The following CRPPA variants were observed in gnomAD, a reference collection of about 807,000 sequenced individuals.
The protein encoded by CRPPA is D-ribitol-5-phosphate cytidylyltransferase.
Under a neutral mutation model 52.0 loss-of-function variants are expected in CRPPA, and 43 were observed. The observed-to-expected ratio is 0.83, with a 90% confidence interval of 0.65 to 1.07. The LOEUF (loss-of-function observed/expected upper bound fraction) is 1.07, where lower values mean the gene tolerates loss of function less well. Ranked by LOEUF, CRPPA falls within the 50% of genes least tolerant of loss-of-function variation. The probability of loss-of-function intolerance (pLI) is 0.00; values close to 1 mark genes in which losing one functional copy is unlikely to be tolerated. For missense variants in CRPPA, 629 were observed against 551.7 expected, an observed-to-expected ratio of 1.14 and a Z score of -1.40; for synonymous variants, 250 against 203.5, an observed-to-expected ratio of 1.23 and a Z score of -1.94.
intron 3 of CRPPA, among the ~76,000 whole-genome samples, chr7:16,360,471 T>C (rs563836565): frequency 6.6e-6 from 1 of 152,212 alleles, no homozygotes; most frequent in South Asian, 2.1e-4. Context: ...AATGTTACTA[T>C]AAAATCACAC....
chr7:16,209,492 G>C (rs146379972), intron 9 of CRPPA, among the ~76,000 whole-genome samples: 3 of 152,010 alleles, frequency 2.0e-5, no homozygotes, highest in South Asian at 2.1e-4. Context: ...GATTGGTCTC[G>C]AACTCCTGAC....
intron 9 of CRPPA, among the ~76,000 whole-genome samples, chr7:16,115,539 A>C (rs1286049788): frequency 6.6e-6 from 1 of 152,202 alleles, no homozygotes; most frequent in Non-Finnish European, 1.5e-5. Flanking sequence ...AAGGGCTTAC[A>C]AATTGTGACA....
intron 8 of CRPPA, among the ~76,000 whole-genome samples, chr7:16,234,003 C>A (rs960941934): frequency 6.6e-6 from 1 of 152,064 alleles, no homozygotes; most frequent in African/African-American, 2.4e-5. Context: ...TTTAATAGGG[C>A]AGCCAGTTTA....
At chr7:16,299,597 C>G (rs528300239) in intron 5 of CRPPA, among the ~76,000 whole-genome samples, 1 of 152,280 alleles carries the variant, frequency 6.6e-6, no homozygotes, top group Non-Finnish European at 1.5e-5. Context: ...GCATCAGAAT[C>G]TCCTGGGAAG....
chr7:16,383,567 C>CT (rs2128313512), intron 2 of CRPPA, among the ~76,000 whole-genome samples: 1 of 152,302 alleles, frequency 6.6e-6, no homozygotes, highest in East Asian at 1.9e-4. Context: ...TTACTGCTGT[C>CT]TTTTTGTTTG....
intron 1 of CRPPA, among the ~76,000 whole-genome samples, chr7:16,418,751 T>C (rs1344226972): frequency 1.3e-5 from 2 of 152,152 alleles, no homozygotes; most frequent in Non-Finnish European, 2.9e-5. Flanking sequence ...TTCCACCTGA[T>C]CTCTCCTTTA....
chr7:16,287,826 G>A (rs567001443), intron 5 of CRPPA, among the ~76,000 whole-genome samples: 4 of 151,210 alleles, frequency 2.6e-5, no homozygotes, highest in Middle Eastern at 3.4e-3. Flanking sequence ...CAAGACTGAG[G>A]CATGAGAATC....
At chr7:16,178,329 T>C (rs1397797599) in intron 9 of CRPPA, among the ~76,000 whole-genome samples, 1 of 152,118 alleles carries the variant, frequency 6.6e-6, no homozygotes, top group Non-Finnish European at 1.5e-5. Context: ...AGTGAGTTAT[T>C]AGCGATTCCA....
At chr7:16,189,500 AGAG>A (rs1781566206) in intron 9 of CRPPA, among the ~76,000 whole-genome samples, 1 of 152,210 alleles carries the variant, frequency 6.6e-6, no homozygotes, top group Non-Finnish European at 1.5e-5. Flanking sequence ...TAGTTGAGCA[AGAG>A]CTACCACATA....
intron 9 of CRPPA, among the ~76,000 whole-genome samples, chr7:16,178,755 C>A (rs1244910607): frequency 6.6e-6 from 1 of 151,694 alleles, no homozygotes; most frequent in Non-Finnish European, 1.5e-5. Flanking sequence ...ATAAATCTAC[C>A]AAGTCAGACA....
intron 4 of CRPPA, among the ~76,000 whole-genome samples, chr7:16,305,888 CA>C (rs1784899049): frequency 6.6e-6 from 1 of 152,090 alleles, no homozygotes; most frequent in Admixed American, 6.6e-5. Flanking sequence ...CAAAAACAAA[CA>C]AACAAAAAAA....
At position 16,228,024 on chromosome 7, in the gene CRPPA, G is replaced by A. The variant is rs192758986; in HGVS notation, c.1120-11827C>T. 4.9e-3 allele frequency among the ~76,000 whole-genome samples: 747 copies of A among 151,914 alleles called. 9 individuals are homozygous for A. Among genetic ancestry groups the A allele is most frequent in the African/African-American group, 0.017 (725 of 41,508 alleles). ...GTGCATTCTCTATTGTGTGTTCTAG[G>A]AAATTTTGTCTAAATCCGTTGGCTA... On this transcript the variant is annotated intron_variant, in intron 8 of 9. Coordinates refer to ENST00000407010, the MANE Select transcript of CRPPA (RefSeq NM_001101426.4).
chr7:16,367,274 C>A (rs1786623279), intron 3 of CRPPA, among the ~76,000 whole-genome samples: 1 of 152,130 alleles, frequency 6.6e-6, no homozygotes, highest in Non-Finnish European at 1.5e-5. Flanking sequence ...CATGAGGTTT[C>A]CCCTGAGGCT....
At chr7:16,114,267 G>C (rs1025582770) in intron 9 of CRPPA, among the ~76,000 whole-genome samples, 5 of 150,026 alleles carry the variant, frequency 3.3e-5, no homozygotes, top group African/African-American at 9.8e-5. Flanking sequence ...AAATAGTACT[G>C]AACGAGATCA....
intron 8 of CRPPA, among the ~76,000 whole-genome samples, chr7:16,251,459 T>C (rs376331145): frequency 1.2e-4 from 19 of 152,274 alleles, no homozygotes; most frequent in East Asian, 3.9e-4. Context: ...TACTCTAAAA[T>C]TGACCACATA....
At position 16,406,242 on chromosome 7, in the gene CRPPA, G is replaced by A. The variant is rs1286316240; in HGVS notation, c.353C>T (p.Ser118Leu). ...GCGGGTCACTCCAGCTTCGACCAGTGAGATGCGTTTATGCTGATACTTCTG... is the reference window on the plus strand; with the variant it reads ...GCGGGTCACTCCAGCTTCGACCAGTAAGATGCGTTTATGCTGATACTTCTG... ...IIQKYQHKRISLVEAGVTRHR... is the reference protein window; with the variant it reads ...IIQKYQHKRILLVEAGVTRHR... The change falls in exon 2 of 10, where the codon TCA becomes TTA. Residue 118 changes from serine to leucine, a missense_variant. Physicochemically the swap from Ser to Leu is moderately radical, Grantham distance 145. Coordinates refer to ENST00000407010, the MANE Select transcript of CRPPA (RefSeq NM_001101426.4). 1 of 1,613,966 alleles carries A rather than the reference G, an allele frequency of 6.2e-7. No individual in the cohort carries two copies. Among genetic ancestry groups the A allele is most frequent in the South Asian group, 1.1e-5 (1 of 91,086 alleles).
chr7:16,330,418 C>G (rs10950610), intron 3 of CRPPA, among the ~76,000 whole-genome samples: 15,103 of 152,142 alleles, frequency 0.099, 912 homozygotes, highest in East Asian at 0.26. Context: ...CTCTTATATC[C>G]GTAAGAGAAG....
At chr7:16,216,571 T>C (rs560956876) in intron 8 of CRPPA, 20 of 216,266 alleles carry the variant, frequency 9.2e-5, no homozygotes, top group Middle Eastern at 1.9e-3. Context: ...TGGGCGCAGG[T>C]CAGTGGGTGC....
At chr7:16,316,402 G>A (rs1027469337) in intron 3 of CRPPA, among the ~76,000 whole-genome samples, 1 of 152,046 alleles carries the variant, frequency 6.6e-6, no homozygotes, top group Non-Finnish European at 1.5e-5. Context: ...GTCATGTTAT[G>A]TAATGTTTAA....
Sources: gnomAD v4.1 joint callset for allele counts (sites outside exome capture counted in the v4.1 genomes callset) on GRCh38, gnomAD v4.1.1 for gene constraint, MANE v1.5 for transcripts, NCBI Gene and HGNC (gene_info 2026-07-23, HGNC 2026-07-21) for gene names.